Variants in PPP1R16B observed in about 807,000 individuals in gnomAD.
PPP1R16B encodes protein phosphatase 1 regulatory subunit 16B, also known as protein phosphatase 1 regulatory inhibitor subunit 16B.
A neutral mutation model predicts 61.7 loss-of-function variants in PPP1R16B; 14 were observed. The ratio of observed to expected loss-of-function variants is 0.23; its 90% CI spans 0.15 to 0.35. The LOEUF (loss-of-function observed/expected upper bound fraction) is 0.35. PPP1R16B is among the 10% of genes least tolerant of loss of function. PPP1R16B has a pLI of 1.00. For missense variants in PPP1R16B, 547 were observed against 752.5 expected (o/e 0.73, Z 3.19); for synonymous variants, 266 against 305.3 (o/e 0.87, Z 1.34).
intron 1 of PPP1R16B, among the ~76,000 whole-genome samples, chr20:38,807,891 T>A (rs1383193146): frequency 6.6e-6 from 1 of 152,034 alleles, no homozygotes; most frequent in Non-Finnish European, 1.5e-5. Context: ...AAGGGCCCCG[T>A]GCCATCTGTG....
intron 1 of PPP1R16B, among the ~76,000 whole-genome samples, chr20:38,834,929 G>A (rs901827930): frequency 6.6e-6 from 1 of 152,098 alleles, no homozygotes; most frequent in Admixed American, 6.5e-5. Context: ...TCTTTATGTT[G>A]AGCTTAGCAG....
At chr20:38,807,510 C>T (rs1416461521) in intron 1 of PPP1R16B, among the ~76,000 whole-genome samples, 1 of 152,140 alleles carries the variant, frequency 6.6e-6, no homozygotes, top group African/African-American at 2.4e-5. Context: ...GGAGTTTCCA[C>T]ATCTTCCTCC....
chr20:38,837,886 G>A (rs4812317), intron 2 of PPP1R16B, among the ~76,000 whole-genome samples: 110,404 of 152,078 alleles, frequency 0.73, 40,249 homozygotes, highest in African/African-American at 0.78. Context: ...TACTTGCCAT[G>A]TTTAATTTAA....
In PPP1R16B at chr20:38,899,957, C is replaced by T. The variant is rs191247834; in HGVS notation, c.468-624C>T. ...GATTATAGGCTCCCACACCACGCCC[C>T]GCTAATTTTTGTATTTTTAGTAGAG... On this transcript the variant is annotated intron_variant, in intron 4 of 10. Coordinates refer to ENST00000299824, the MANE Select transcript of PPP1R16B (RefSeq NM_015568.4). 2.9e-3 allele frequency among the ~76,000 whole-genome samples: 437 copies of T among 152,150 alleles called. 3 individuals carry two copies. Among genetic ancestry groups the T allele is most frequent in the Non-Finnish European group, 3.1e-3 (208 of 67,980 alleles).
At chr20:38,859,867 T>A (rs1310507608) in intron 2 of PPP1R16B, among the ~76,000 whole-genome samples, 3 of 152,226 alleles carry the variant, frequency 2.0e-5, no homozygotes. Context: ...TTTAATAATA[T>A]ATTTTATTTA....
intron 10 of PPP1R16B, among the ~76,000 whole-genome samples, chr20:38,914,538 A>C (rs930533562): frequency 1.3e-5 from 2 of 152,232 alleles, no homozygotes; most frequent in Non-Finnish European, 2.9e-5. Context: ...TAGGCAGATA[A>C]GTACATTTAG....
At chr20:38,915,975 A>G (rs2085534357) in intron 10 of PPP1R16B, among the ~76,000 whole-genome samples, 1 of 151,516 alleles carries the variant, frequency 6.6e-6, no homozygotes, top group Non-Finnish European at 1.5e-5. Context: ...ACTCACATAC[A>G]CATCAAAGTT....
chr20:38,843,721 C>T (rs2084922051), intron 2 of PPP1R16B, among the ~76,000 whole-genome samples: 1 of 151,516 alleles, frequency 6.6e-6, no homozygotes, highest in African/African-American at 2.4e-5. Context: ...TTAAAACCAC[C>T]ACATGTTAAC....
At chr20:38,849,695 A>ACC (rs147286163) in intron 2 of PPP1R16B, among the ~76,000 whole-genome samples, 2 of 147,444 alleles carry the variant, frequency 1.4e-5, no homozygotes, top group African/African-American at 2.5e-5. Flanking sequence ...CAAAAAAAAA[A>ACC]CAAAAAACTG....
chr20:38,889,790 C>A, intron 3 of PPP1R16B, 125 bp downstream of exon 3: 1 of 974,864 alleles, frequency 1.0e-6, no homozygotes, highest in East Asian at 2.4e-5. Flanking sequence ...GGAGGAGCTG[C>A]AGCTGGCCCA....
At chr20:38,807,934 G>A (rs185775357) in intron 1 of PPP1R16B, among the ~76,000 whole-genome samples, 2 of 152,222 alleles carry the variant, frequency 1.3e-5, no homozygotes, top group Admixed American at 6.5e-5. Context: ...AGAAAGACAC[G>A]GTAGGCAAGG....
chr20:38,858,959 T>G (rs779204986), intron 2 of PPP1R16B, among the ~76,000 whole-genome samples: 1 of 152,186 alleles, frequency 6.6e-6, no homozygotes, highest in Non-Finnish European at 1.5e-5. Flanking sequence ...CCATGTAGCC[T>G]CTCTACGATG....
intron 2 of PPP1R16B, among the ~76,000 whole-genome samples, chr20:38,885,072 G>T (rs1364604759): frequency 1.5e-5 from 2 of 136,468 alleles, no homozygotes; most frequent in Non-Finnish European, 3.1e-5. Flanking sequence ...AGAAGAAGAA[G>T]ACTGGGCGTG....
chr20:38,810,046 G>C (rs1218252852), intron 1 of PPP1R16B, among the ~76,000 whole-genome samples: 1 of 146,622 alleles, frequency 6.8e-6, no homozygotes, highest in Non-Finnish European at 1.5e-5. Flanking sequence ...GGGCTTTCTA[G>C]ATATTAATAA....
At chr20:38,877,134 C>T (rs140787160) in intron 2 of PPP1R16B, among the ~76,000 whole-genome samples, 28 of 152,268 alleles carry the variant, frequency 1.8e-4, no homozygotes, top group African/African-American at 6.7e-4. Flanking sequence ...AATCAACCTC[C>T]AATTGTTTAG....
chr20:38,903,571 GTCCGTCCGTCCATCCA>G (rs372304406), intron 6 of PPP1R16B, among the ~76,000 whole-genome samples: 1,595 of 115,192 alleles, frequency 0.014, 30 homozygotes, highest in African/African-American at 0.045. Flanking sequence ...CCATCCGTCC[GTCCGTCCGTCCATCCA>G]TCCATCCATC....
intron 1 of PPP1R16B, among the ~76,000 whole-genome samples, chr20:38,815,058 A>G (rs1332791819): frequency 1.3e-5 from 2 of 152,198 alleles, no homozygotes; most frequent in African/African-American, 2.4e-5. Flanking sequence ...TTTTATATAT[A>G]AACTTAAGCT....
chr20:38,900,741 C>T (rs2085385887), intron 5 of PPP1R16B, 57 bp downstream of exon 5: 3 of 1,359,630 alleles, frequency 2.2e-6, no homozygotes, highest in Non-Finnish European at 3.0e-6. Flanking sequence ...AGAGAGCGTC[C>T]CTTAAATCAA....
At chr20:38,913,355 C>G (rs1004668059) in intron 10 of PPP1R16B, among the ~76,000 whole-genome samples, 2 of 151,934 alleles carry the variant, frequency 1.3e-5, no homozygotes, top group African/African-American at 4.8e-5. Flanking sequence ...CTCCGCCTCC[C>G]AGGTTCAAGT....
Sources: allele counts gnomAD v4.1 joint callset (sites outside exome capture counted in the v4.1 genomes callset), GRCh38; gene constraint gnomAD v4.1.1; transcripts MANE v1.5; gene names NCBI Gene and HGNC (gene_info 2026-07-23, HGNC 2026-07-21).